Variants in PDE8B observed in about 807,000 individuals in gnomAD.
The protein encoded by PDE8B is phosphodiesterase 8B.
A neutral mutation model predicts 101.3 loss-of-function variants in PDE8B; 26 were observed. That is an observed-to-expected ratio of 0.26 (90% CI 0.19 to 0.36). The LOEUF (loss-of-function observed/expected upper bound fraction) is 0.36. Ranked by LOEUF, PDE8B falls within the 10% of genes least tolerant of loss-of-function variation. PDE8B has a pLI of 1.00. For synonymous variants in PDE8B, 424 were observed against 429.3 expected (o/e 0.99, Z 0.15); for missense variants, 810 against 1,163.1 (o/e 0.70, Z 4.42).
chr5:77,291,895 C>T (rs1318310882), intron 1 of PDE8B: 26 of 1,137,718 alleles, frequency 2.3e-5, no homozygotes, highest in Non-Finnish European at 2.9e-5. Flanking sequence ...TGAATAAATG[C>T]ATTATTATGA....
chr5:77,117,864 T>A, the PDE8B span, among the ~76,000 whole-genome samples: 1 of 152,240 alleles, frequency 6.6e-6, no homozygotes. Context: ...TGCCTGTGTA[T>A]TCACATTATT....
intron 8 of PDE8B, 94 bp from the exon 9 acceptor site, chr5:77,350,971 G>A: frequency 1.2e-6 from 1 of 868,758 alleles, no homozygotes; most frequent in South Asian, 1.4e-5. Flanking sequence ...ACGAGAGCAT[G>A]TGGGAATGTT....
At chr5:77,321,142 A>ATTTTTTTTTTTTTTT (rs10538529) in intron 2 of PDE8B, among the ~76,000 whole-genome samples, 1 of 76,430 alleles carries the variant, frequency 1.3e-5, no homozygotes, top group Admixed American at 1.8e-4. Flanking sequence ...CAGTATCTCT[A>ATTTTTTTTTTTTTTT]TTTTTTTTTT....
chr5:77,307,527 C>T (rs1195297386), intron 1 of PDE8B, among the ~76,000 whole-genome samples: 1 of 152,044 alleles, frequency 6.6e-6, no homozygotes, highest in East Asian at 1.9e-4. Context: ...AGTCATGGAC[C>T]CATGTTGCCA....
At chr5:77,312,140 G>C in intron 2 of PDE8B, 87 bp downstream of exon 2, 1 of 878,220 alleles carries the variant, frequency 1.1e-6, no homozygotes, top group Admixed American at 2.3e-5. Context: ...GCCTCCTTCT[G>C]TTGCCCAGGC....
At chr5:77,099,146 A>C in the PDE8B span, among the ~76,000 whole-genome samples, 1 of 152,150 alleles carries the variant, frequency 6.6e-6, no homozygotes, top group Non-Finnish European at 1.5e-5. Flanking sequence ...CTTATCTTTG[A>C]GACTGGAAAT....
the PDE8B span, among the ~76,000 whole-genome samples, chr5:77,180,694 G>C: frequency 1.3e-5 from 2 of 152,138 alleles, no homozygotes; most frequent in Non-Finnish European, 2.9e-5. Flanking sequence ...GAAGCACCTC[G>C]AGCGTCTAGT....
intron 13 of PDE8B, 83 bp downstream of exon 13, chr5:77,407,540 A>C: frequency 3.1e-6 from 3 of 973,236 alleles, no homozygotes; most frequent in Non-Finnish European, 5.0e-6. Context: ...CACTGACATC[A>C]TGGAGCTCAG....
At chr5:77,229,529 T>C (rs1359517084) in intron 1 of PDE8B, among the ~76,000 whole-genome samples, 1 of 152,236 alleles carries the variant, frequency 6.6e-6, no homozygotes, top group Non-Finnish European at 1.5e-5. Context: ...CCATTACTGC[T>C]AATTCTAGAT....
chr5:77,303,303 G>A (rs546437797), intron 1 of PDE8B, among the ~76,000 whole-genome samples: 1 of 152,242 alleles, frequency 6.6e-6, no homozygotes, highest in South Asian at 2.1e-4. Context: ...ACTTCGGGAG[G>A]CCAAGGTGGA....
At chr5:77,248,472 T>G (rs1386092747) in intron 1 of PDE8B, among the ~76,000 whole-genome samples, 1 of 152,028 alleles carries the variant, frequency 6.6e-6, no homozygotes, top group African/African-American at 2.4e-5. Flanking sequence ...TCTAATGAGC[T>G]TCAGTTTCTT....
At chr5:77,199,590 A>G in the PDE8B span, among the ~76,000 whole-genome samples, 1 of 152,162 alleles carries the variant, frequency 6.6e-6, no homozygotes, top group Non-Finnish European at 1.5e-5. Flanking sequence ...AATGCAGTAC[A>G]TGTAGCATTA....
the PDE8B span, among the ~76,000 whole-genome samples, chr5:77,098,272 C>G: frequency 6.8e-6 from 1 of 146,462 alleles, no homozygotes; most frequent in Non-Finnish European, 1.5e-5. Context: ...TTTTTCAGAC[C>G]CACCTTCCTC....
rs1440401210 is a variant in PDE8B at position 77,411,665 on chromosome 5, C to G, written c.1531-11C>G. On this transcript the variant is annotated splice_polypyrimidine_tract_variant and intron_variant, in intron 14 of 21. Transcript: ENST00000264917. ...AAAGCATGCTTCTAACAGGCTCTTC[C>G]TTTATTCCAGGACGGCTTGAGAAGA... The G allele has an allele frequency of 1.2e-6, 2 of 1,605,916 alleles. No homozygotes were observed. The highest frequency in any genetic ancestry group is 2.2e-5 in the East Asian group (1 of 44,840).
chr5:77,242,351 T>A (rs1036936059), intron 1 of PDE8B, among the ~76,000 whole-genome samples: 3 of 152,196 alleles, frequency 2.0e-5, no homozygotes, highest in African/African-American at 7.2e-5. Flanking sequence ...AAAGAGAAGT[T>A]AACAGTTATT....
At chr5:77,371,810 A>G (rs776856604) in intron 10 of PDE8B, among the ~76,000 whole-genome samples, 15 of 152,286 alleles carry the variant, frequency 9.8e-5, no homozygotes, top group Admixed American at 4.6e-4. Context: ...TCTTTGTTAA[A>G]TTTATTTCAA....
the PDE8B span, among the ~76,000 whole-genome samples, chr5:77,169,837 C>G: frequency 6.6e-6 from 1 of 152,086 alleles, no homozygotes; most frequent in African/African-American, 2.4e-5. Context: ...CAAACTGTGC[C>G]GACCCTGTGG....
chr5:77,256,723 T>C (rs185712437), intron 1 of PDE8B, among the ~76,000 whole-genome samples: 2 of 152,318 alleles, frequency 1.3e-5, no homozygotes. Flanking sequence ...AGAATGATAA[T>C]AATGAGGTAC....
At chr5:77,344,648 C>A (rs1779831920) in intron 6 of PDE8B, among the ~76,000 whole-genome samples, 1 of 152,204 alleles carries the variant, frequency 6.6e-6, no homozygotes, top group Non-Finnish European at 1.5e-5. Flanking sequence ...TAGCCACTTC[C>A]CAAAGGCCCT....
Sources: allele counts gnomAD v4.1 joint callset (sites outside exome capture counted in the v4.1 genomes callset), GRCh38; gene constraint gnomAD v4.1.1; transcripts MANE v1.5; gene names NCBI Gene and HGNC (gene_info 2026-07-23, HGNC 2026-07-21).